Variants in HPGDS observed in about 807,000 individuals in gnomAD.
HPGDS encodes the protein hematopoietic prostaglandin D synthase.
Under a neutral mutation model 23.1 loss-of-function variants are expected in HPGDS, and 26 were observed. The ratio of observed to expected loss-of-function variants is 1.13; its 90% CI spans 0.83 to 1.56. The LOEUF (loss-of-function observed/expected upper bound fraction) is 1.56, where lower values mean the gene tolerates loss of function less well. Ranked by LOEUF, HPGDS falls within the 40% of genes most tolerant of loss-of-function variation. The probability of loss-of-function intolerance (pLI) is 0.00; values close to 1 mark genes in which losing one functional copy is unlikely to be tolerated. For synonymous variants in HPGDS, 95 were observed against 77.9 expected (o/e 1.22, Z -1.16); for missense variants, 268 against 236.4 (o/e 1.13, Z -0.88).
chr4:94,325,495 A>T (rs2126043093), intron 2 of HPGDS, among the ~76,000 whole-genome samples: 1 of 151,902 alleles, frequency 6.6e-6, no homozygotes, highest in East Asian at 1.9e-4. Context: ...CATGGCAGAC[A>T]CCCCTCCCCC....
intron 1 of HPGDS, among the ~76,000 whole-genome samples, chr4:94,340,311 C>CTTTTCT (rs1721126934): frequency 1.3e-4 from 3 of 23,686 alleles, no homozygotes; most frequent in Non-Finnish European, 8.7e-5. Context: ...CTTTCTTTCT[C>CTTTTCT]TTTTTTTTTT....
In HPGDS at chr4:94,299,496, G is replaced by T. The variant is rs758418485; in HGVS notation, c.584C>A (p.Pro195His). The T allele has an allele frequency of 2.5e-6, 4 of 1,612,328 alleles. No individual in the cohort carries two copies. The highest frequency in any genetic ancestry group is 1.7e-6 in the Non-Finnish European group (2 of 1,179,176). The change falls in exon 6 of 6, where the codon CCC (proline) becomes CAC (histidine). Residue 195 changes from proline to histidine, a missense_variant. Transcript: ENST00000295256. ...ATGGATCAGCTAGAGTTTGGTTTGG[G>T]GCCTTCGTTTTATCCAGTTAGCGAC... ...PAVANWIKRRPQTKL is the reference protein window; with the variant it reads ...PAVANWIKRRHQTKL
intron 3 of HPGDS, among the ~76,000 whole-genome samples, chr4:94,312,131 T>A (rs1469441984): frequency 6.6e-6 from 1 of 152,172 alleles, no homozygotes; most frequent in East Asian, 1.9e-4. Context: ...TTTGTGTCTC[T>A]ATCTCCTTCA....
intron 2 of HPGDS, among the ~76,000 whole-genome samples, chr4:94,325,661 T>C (rs1263669128): frequency 6.6e-6 from 1 of 152,216 alleles, no homozygotes; most frequent in Non-Finnish European, 1.5e-5. Flanking sequence ...TGGGTGGCAG[T>C]GTCCCAATTT....
At chr4:94,329,152 G>A (rs1756690672) in intron 2 of HPGDS, among the ~76,000 whole-genome samples, 1 of 151,536 alleles carries the variant, frequency 6.6e-6, no homozygotes, top group African/African-American at 2.4e-5. Flanking sequence ...GTTTTTTTTT[G>A]TGCTAGGCAT....
At chr4:94,312,950 G>C (rs890490731) in intron 3 of HPGDS, among the ~76,000 whole-genome samples, 1 of 152,034 alleles carries the variant, frequency 6.6e-6, no homozygotes, top group Non-Finnish European at 1.5e-5. Flanking sequence ...CAGAGACTAG[G>C]ATTGCAACCC....
intron 2 of HPGDS, among the ~76,000 whole-genome samples, chr4:94,325,310 T>C (rs1756608028): frequency 6.6e-6 from 1 of 152,162 alleles, no homozygotes; most frequent in Admixed American, 6.5e-5. Context: ...ACTGCTCTCT[T>C]CAGAGCTGTC....
At chr4:94,331,097 G>T (rs527723439) in intron 2 of HPGDS, among the ~76,000 whole-genome samples, 1 of 152,206 alleles carries the variant, frequency 6.6e-6, no homozygotes. Flanking sequence ...GTATATGAGT[G>T]GTTGAAGTGT....
intron 2 of HPGDS, among the ~76,000 whole-genome samples, chr4:94,323,176 C>T (rs986191388): frequency 6.6e-6 from 1 of 152,160 alleles, no homozygotes; most frequent in African/African-American, 2.4e-5. Flanking sequence ...GAGTGCTTTA[C>T]TTCCAACTAT....
chr4:94,340,607 G>A (rs955117697), intron 1 of HPGDS, among the ~76,000 whole-genome samples: 1 of 144,274 alleles, frequency 6.9e-6, no homozygotes, highest in African/African-American at 2.5e-5. Flanking sequence ...CCAAAGTGCT[G>A]GGTTTACAGG....
intron 2 of HPGDS, among the ~76,000 whole-genome samples, chr4:94,319,244 T>G (rs1226520062): frequency 6.6e-6 from 1 of 152,370 alleles, no homozygotes; most frequent in East Asian, 1.9e-4. Context: ...ATCTTCTTGC[T>G]GAATTGACCA....
Position 94,302,233 on chromosome 4 carries a change from G to C in HPGDS, c.348C>G (p.Phe116Leu), listed in dbSNP as rs1325315745. The change falls in exon 5 of 6, where the codon TTC (phenylalanine) becomes TTG (leucine). Residue 116 changes from phenylalanine to leucine, a missense_variant. Physicochemically the swap from Phe to Leu is conservative, Grantham distance 22 (BLOSUM62 0). Transcript: ENST00000295256. ...EKKQDVKEQMFNELLTYNAPH... is the reference protein window; with the variant it reads ...EKKQDVKEQMLNELLTYNAPH... ...GCGCATTATACGTGAGCAGCTCATT[G>C]AACATCTGCTCCTAGGAGAAGGAGA... The C allele has an allele frequency of 1.9e-6, 3 of 1,608,578 alleles. No individual in the cohort carries two copies.
chr4:94,303,373 C>T (rs1756081349), intron 4 of HPGDS, among the ~76,000 whole-genome samples: 1 of 152,058 alleles, frequency 6.6e-6, no homozygotes, highest in Non-Finnish European at 1.5e-5. Flanking sequence ...TATGCTCAAC[C>T]AGTAAGTATA....
At chr4:94,324,585 TC>T (rs1348939533) in intron 2 of HPGDS, among the ~76,000 whole-genome samples, 2 of 152,236 alleles carry the variant, frequency 1.3e-5, no homozygotes, top group African/African-American at 2.4e-5. Context: ...CATGATGTTC[TC>T]ATCCCATGGT....
At chr4:94,326,659 T>A (rs889516046) in intron 2 of HPGDS, among the ~76,000 whole-genome samples, 1 of 152,194 alleles carries the variant, frequency 6.6e-6, no homozygotes, top group Non-Finnish European at 1.5e-5. Flanking sequence ...TCACTGAGTT[T>A]CTTTAATACC....
intron 1 of HPGDS, among the ~76,000 whole-genome samples, chr4:94,340,311 C>CTTTTTCTTTT (rs1560598005): frequency 1.7e-4 from 4 of 23,676 alleles, no homozygotes; most frequent in African/African-American, 5.8e-4. Context: ...CTTTCTTTCT[C>CTTTTTCTTTT]TTTTTTTTTT....
intron 2 of HPGDS, among the ~76,000 whole-genome samples, chr4:94,325,770 T>C (rs1318552877): frequency 6.6e-6 from 1 of 152,132 alleles, no homozygotes; most frequent in African/African-American, 2.4e-5. Flanking sequence ...CTGCTTCAGC[T>C]TGCCCTCCGT....
chr4:94,318,035 G>A, intron 2 of HPGDS, 70 bp from the exon 3 acceptor site: 1 of 826,542 alleles, frequency 1.2e-6, no homozygotes, highest in Non-Finnish European at 2.0e-6. Flanking sequence ...CATTTTTACT[G>A]ATCATCGTGA....
At chr4:94,316,408 C>A (rs1181376778) in intron 3 of HPGDS, among the ~76,000 whole-genome samples, 1 of 152,170 alleles carries the variant, frequency 6.6e-6, no homozygotes, top group Non-Finnish European at 1.5e-5. Context: ...TTCTTGGTCT[C>A]TCTTCTTTGC....
Sources: allele counts gnomAD v4.1 joint callset (sites outside exome capture counted in the v4.1 genomes callset), GRCh38; gene constraint gnomAD v4.1.1; transcripts MANE v1.5; gene names NCBI Gene and HGNC (gene_info 2026-07-23, HGNC 2026-07-21).